Variants in RBMS3 observed in about 807,000 individuals in gnomAD.
The protein encoded by RBMS3 is RNA-binding motif, single-stranded-interacting protein 3.
In RBMS3, 27 loss-of-function variants were observed where a neutral mutation model predicts 66.8. The ratio of observed to expected loss-of-function variants is 0.40; its 90% CI spans 0.30 to 0.56. The LOEUF is 0.56. Among genes scored for constraint, RBMS3 ranks in the 20% least tolerant of loss-of-function variants. The probability of loss-of-function intolerance (pLI) is 0.40; values close to 1 mark genes in which losing one functional copy is unlikely to be tolerated. For synonymous variants in RBMS3, 188 were observed against 183.0 expected (o/e 1.03, Z -0.22); for missense variants, 513 against 549.5 (o/e 0.93, Z 0.66).
intron 6 of RBMS3, among the ~76,000 whole-genome samples, chr3:29,799,760 G>C (rs2057329145): frequency 6.6e-6 from 1 of 152,138 alleles, no homozygotes; most frequent in South Asian, 2.1e-4. Flanking sequence ...AATGAAAGCT[G>C]TTAGAAAGCT....
At chr3:29,458,260 G>A (rs2042260242) in intron 2 of RBMS3, among the ~76,000 whole-genome samples, 1 of 152,160 alleles carries the variant, frequency 6.6e-6, no homozygotes, top group Non-Finnish European at 1.5e-5. Flanking sequence ...GAAGATTTCT[G>A]ATGGAAAGAG....
At chr3:29,430,119 G>A (rs2041122348) in intron 1 of RBMS3, among the ~76,000 whole-genome samples, 1 of 152,018 alleles carries the variant, frequency 6.6e-6, no homozygotes, top group Non-Finnish European at 1.5e-5. Flanking sequence ...TGTGTATTTG[G>A]AATATGGGTG....
intron 6 of RBMS3, among the ~76,000 whole-genome samples, chr3:29,811,130 T>C (rs1232143774): frequency 1.3e-5 from 2 of 152,048 alleles, no homozygotes; most frequent in African/African-American, 2.4e-5. Flanking sequence ...GAAAGGAAAA[T>C]ATTTTCAGTC....
chr3:29,564,352 G>T (rs151260108), intron 3 of RBMS3, among the ~76,000 whole-genome samples: 1 of 151,976 alleles, frequency 6.6e-6, no homozygotes, highest in African/African-American at 2.4e-5. Flanking sequence ...TGGGCATGCT[G>T]GTGGGCACCT....
intron 4 of RBMS3, among the ~76,000 whole-genome samples, chr3:29,655,582 A>G (rs757820528): frequency 5.9e-5 from 9 of 152,214 alleles, no homozygotes; most frequent in Non-Finnish European, 1.2e-4. Context: ...AAACAAATCT[A>G]TTGTGCTGCC....
chr3:29,990,985 T>C (rs1698825933), intron 13 of RBMS3, 97 bp from the exon 14 acceptor site: 3 of 1,217,432 alleles, frequency 2.5e-6, no homozygotes, highest in Admixed American at 4.0e-5. Context: ...AGGGTATCTC[T>C]ACTTAAGCCA....
At chr3:29,929,879 A>G (rs910967402) in intron 10 of RBMS3, among the ~76,000 whole-genome samples, 1 of 152,002 alleles carries the variant, frequency 6.6e-6, no homozygotes, top group African/African-American at 2.4e-5. Context: ...AGAGAAACCC[A>G]GCTCTAGTTT....
chr3:29,574,415 CT>C (rs144043209), intron 3 of RBMS3, among the ~76,000 whole-genome samples: 17 of 151,074 alleles, frequency 1.1e-4, no homozygotes, highest in African/African-American at 2.4e-4. Context: ...CATGGAATGT[CT>C]TTTTTTTTCC....
At chr3:29,739,229 G>A (rs776956449) in intron 4 of RBMS3, among the ~76,000 whole-genome samples, 6 of 152,020 alleles carry the variant, frequency 3.9e-5, no homozygotes, top group Admixed American at 1.3e-4. Context: ...CGAGGTGGGC[G>A]GATCACTAAG....
chr3:29,330,392 A>C (rs919228515), intron 1 of RBMS3, among the ~76,000 whole-genome samples: 1 of 152,206 alleles, frequency 6.6e-6, no homozygotes, highest in East Asian at 1.9e-4. Flanking sequence ...CTTTGGAAGA[A>C]GTAATAGTTA....
intron 12 of RBMS3, among the ~76,000 whole-genome samples, chr3:29,948,638 A>G (rs1695479097): frequency 6.6e-6 from 1 of 151,848 alleles, no homozygotes; most frequent in Admixed American, 6.6e-5. Context: ...TTTTATTGTA[A>G]AAGACCTGAC....
At chr3:29,284,572 G>A (rs916534959) in intron 1 of RBMS3, among the ~76,000 whole-genome samples, 2 of 152,056 alleles carry the variant, frequency 1.3e-5, no homozygotes, top group Non-Finnish European at 2.9e-5. Context: ...TAAAGTTTTA[G>A]AAGAACTTGC....
chr3:29,459,746 A>T (rs907784096), intron 2 of RBMS3, among the ~76,000 whole-genome samples: 1 of 152,238 alleles, frequency 6.6e-6, no homozygotes, highest in African/African-American at 2.4e-5. Flanking sequence ...TTTCGAACTT[A>T]AAACAATTTT....
intron 1 of RBMS3, among the ~76,000 whole-genome samples, chr3:29,376,164 G>A (rs2038452509): frequency 7.3e-6 from 1 of 136,288 alleles, no homozygotes; most frequent in Non-Finnish European, 1.6e-5. Context: ...CACATGATGG[G>A]GGAACAACAC....
At chr3:29,325,780 T>TA (rs892848624) in intron 1 of RBMS3, among the ~76,000 whole-genome samples, 2 of 152,060 alleles carry the variant, frequency 1.3e-5, no homozygotes, top group East Asian at 1.9e-4. Context: ...CATTTTTTAC[T>TA]AAAAAACCAT....
At position 29,384,711 on chromosome 3, in the gene RBMS3, A is replaced by G. The variant is rs1275539330; in HGVS notation, c.76-50032A>G. On this transcript the variant is annotated intron_variant, in intron 1 of 14. Transcript: ENST00000383767. Reference sequence around the variant, plus strand: ...TAAATATAAAGGTCTGAGAAGAGACATGACTGTTTCAGAGGTTTAGAGTGG... The same window carrying G: ...TAAATATAAAGGTCTGAGAAGAGACGTGACTGTTTCAGAGGTTTAGAGTGG... Among the ~76,000 whole-genome samples, 7 of 152,348 alleles carry G rather than the reference A, an allele frequency of 4.6e-5. No individual in the cohort carries two copies. In the East Asian group the frequency reaches 1.4e-3, roughly 29 times the overall value.
At chr3:29,640,610 G>A (rs777401180) in intron 4 of RBMS3, among the ~76,000 whole-genome samples, 1 of 151,874 alleles carries the variant, frequency 6.6e-6, no homozygotes, top group Non-Finnish European at 1.5e-5. Context: ...CTATTTGATC[G>A]TGCATAGATT....
At chr3:29,656,874 G>C (rs1000242590) in intron 4 of RBMS3, among the ~76,000 whole-genome samples, 1 of 152,098 alleles carries the variant, frequency 6.6e-6, no homozygotes, top group African/African-American at 2.4e-5. Context: ...CCCAATAGCA[G>C]TTCATTTCTC....
At chr3:29,832,390 G>T (rs186634591) in intron 6 of RBMS3, among the ~76,000 whole-genome samples, 1 of 152,160 alleles carries the variant, frequency 6.6e-6, no homozygotes, top group Non-Finnish European at 1.5e-5. Flanking sequence ...CACTGATTTT[G>T]ATAAGTACCA....
Sources: allele counts gnomAD v4.1 joint callset (sites outside exome capture counted in the v4.1 genomes callset), GRCh38; gene constraint gnomAD v4.1.1; transcripts MANE v1.5; gene names NCBI Gene and HGNC (gene_info 2026-07-23, HGNC 2026-07-21).